The following MICAL2 variants were observed in gnomAD, a reference collection of about 807,000 sequenced individuals.
MICAL2 encodes the protein [F-actin]-monooxygenase MICAL2.
Under a neutral mutation model 127.3 loss-of-function variants are expected in MICAL2, and 77 were observed. The ratio of observed to expected loss-of-function variants is 0.60; its 90% CI spans 0.50 to 0.73. The LOEUF (loss-of-function observed/expected upper bound fraction) is 0.73. Ranked by LOEUF, MICAL2 falls within the 30% of genes least tolerant of loss-of-function variation. The pLI is 0.00. For missense variants in MICAL2, 1,351 were observed against 1,434.4 expected, an observed-to-expected ratio of 0.94 and a Z score of 0.94; for synonymous variants, 570 against 551.1, an observed-to-expected ratio of 1.03 and a Z score of -0.48.
intron 15 of MICAL2, among the ~76,000 whole-genome samples, chr11:12,234,572 A>G (rs994667253): frequency 2.0e-5 from 3 of 152,250 alleles, no homozygotes; most frequent in African/African-American, 7.2e-5. Context: ...GAAAACGTTC[A>G]AGAGAAGGCA....
rs773933327 is a variant in MICAL2 at position 12,204,325 on chromosome 11, G to A, written c.340G>A (p.Val114Met). Residue 114 changes from valine (V) to methionine (M), a missense_variant, in exon 4 of 28, where the codon GTG becomes ATG. This residue lies in a region of MICAL2 where 599 missense variants were observed against 714.9 expected (regional missense o/e 0.84). Coordinates refer to ENST00000683283, the MANE Select transcript of MICAL2 (RefSeq NM_001282663.2). ...TGCCTACCTGGGAGCCAAAGTGGTC[G>A]TGGTGGAGAAGAGGGACTCCTTCTC... The part of the protein sequence containing the change: ...ELAYLGAKVV[V>M]VEKRDSFSRN... The A allele has an allele frequency of 1.5e-5, 24 of 1,614,150 alleles. No homozygotes were observed. The highest frequency in any genetic ancestry group is 1.6e-4 in the Middle Eastern group (1 of 6,062).
At chr11:12,194,403 C>T (rs16910720) in intron 3 of MICAL2, among the ~76,000 whole-genome samples, 2,004 of 152,194 alleles carry the variant, frequency 0.013, 45 homozygotes, top group African/African-American at 0.045. Flanking sequence ...TATTGCAGTG[C>T]GGGGACCCCT....
At position 12,221,731 on chromosome 11, in the gene MICAL2, A is replaced by G. The variant is rs1856838794; in HGVS notation, c.1294A>G (p.Thr432Ala). 6.2e-7 allele frequency: 1 copy of G among 1,613,082 alleles called. No individual in the cohort carries two copies. The highest frequency in any genetic ancestry group is 8.5e-7 in the Non-Finnish European group (1 of 1,179,590). Residue 432 changes from threonine to alanine, a missense_variant, in exon 10 of 28, where the codon ACC (threonine) becomes GCC (alanine). Physicochemically the swap from Thr to Ala is moderately conservative, Grantham distance 58 (BLOSUM62 0). Coordinates refer to ENST00000683283, the MANE Select transcript of MICAL2 (RefSeq NM_001282663.2). The stretch of plus-strand genomic sequence containing the variant: ...GATGGTGAAGAGCTGGAACCAGGGC[A>G]CCCCTCCCCTGGAGCTGCTGGCTGA... ...AWMVKSWNQGTPPLELLAERE... is the reference protein window; with the variant it reads ...AWMVKSWNQGAPPLELLAERE...
chr11:12,245,167 C>T (rs1031397560), intron 21 of MICAL2, among the ~76,000 whole-genome samples: 3 of 152,104 alleles, frequency 2.0e-5, no homozygotes, highest in Non-Finnish European at 4.4e-5. Flanking sequence ...TAGAAATGGG[C>T]GTGAAGCCTA....
intron 2 of MICAL2, among the ~76,000 whole-genome samples, chr11:12,157,928 C>T (rs1232116593): frequency 3.3e-5 from 5 of 152,144 alleles, no homozygotes; most frequent in African/African-American, 1.2e-4. Context: ...ACATGGGAAA[C>T]TAAAACCCAA....
chr11:12,268,709 G>A (rs545436113), downstream of MICAL2, among the ~76,000 whole-genome samples: 5 of 152,316 alleles, frequency 3.3e-5, no homozygotes, highest in Non-Finnish European at 5.9e-5. Flanking sequence ...AGGCCAACTC[G>A]GCCGGGCGCG....
chr11:12,223,611 C>T, intron 12 of MICAL2, 110 bp downstream of exon 12: 2 of 930,046 alleles, frequency 2.2e-6, no homozygotes, highest in Non-Finnish European at 3.4e-6. Context: ...TGGCTCTGCC[C>T]CTTTACCTGT....
At chr11:12,306,245 A>G (rs983252777) in intron 29 of MICAL2, among the ~76,000 whole-genome samples, 17 of 152,060 alleles carry the variant, frequency 1.1e-4, no homozygotes, top group African/African-American at 4.1e-4. Context: ...ACTGATTTCT[A>G]ACAGTATTCA....
At chr11:12,170,274 AC>A (rs1453855489) in intron 3 of MICAL2, among the ~76,000 whole-genome samples, 1 of 151,946 alleles carries the variant, frequency 6.6e-6, no homozygotes, top group Non-Finnish European at 1.5e-5. Context: ...ATATGGCAAT[AC>A]CCCGTCTATA....
At chr11:12,204,107 C>T in intron 3 of MICAL2, 143 bp from the exon 4 acceptor site, 1 of 724,310 alleles carries the variant, frequency 1.4e-6, no homozygotes, top group Non-Finnish European at 2.3e-6. Context: ...GGATGAATGA[C>T]AGGCCCTAAC....
intron 26 of MICAL2, chr11:12,260,238 G>C: frequency 1.4e-6 from 2 of 1,444,460 alleles, no homozygotes; most frequent in Non-Finnish European, 9.1e-7. Flanking sequence ...TGCGTTTGCA[G>C]TTTGCTCAGG....
At chr11:12,210,107 A>C (rs1205602242) in intron 6 of MICAL2, among the ~76,000 whole-genome samples, 1 of 152,174 alleles carries the variant, frequency 6.6e-6, no homozygotes, top group Non-Finnish European at 1.5e-5. Context: ...ACTTTTAAGC[A>C]CTGCTGGGCA....
At chr11:12,184,481 G>GCTGGAAC (rs1857908186) in intron 3 of MICAL2, among the ~76,000 whole-genome samples, 1 of 152,202 alleles carries the variant, frequency 6.6e-6, no homozygotes, top group Non-Finnish European at 1.5e-5. Flanking sequence ...CCCGGGAGAG[G>GCTGGAAC]TAAACTAAGG....
At chr11:12,210,269 C>A (rs1424360929) in intron 6 of MICAL2, among the ~76,000 whole-genome samples, 2 of 152,182 alleles carry the variant, frequency 1.3e-5, no homozygotes, top group African/African-American at 2.4e-5. Flanking sequence ...TCCACCTCAA[C>A]ACCAAGACTG....
chr11:12,316,657 CTTGA>C (rs138564829), intron 29 of MICAL2, among the ~76,000 whole-genome samples: 17,338 of 151,968 alleles, frequency 0.11, 1,161 homozygotes, highest in South Asian at 0.22. Context: ...AAATTTTTCT[CTTGA>C]TTATCAGACT....
intron 2 of MICAL2, among the ~76,000 whole-genome samples, chr11:12,139,299 T>C (rs1193509716): frequency 6.6e-6 from 1 of 152,166 alleles, no homozygotes; most frequent in South Asian, 2.1e-4. Context: ...GTGAAGAACT[T>C]ACAGAAAGCC....
At chr11:12,297,628 T>G (rs1864001812) in intron 29 of MICAL2, among the ~76,000 whole-genome samples, 4 of 152,076 alleles carry the variant, frequency 2.6e-5, no homozygotes, top group Admixed American at 6.5e-5. Context: ...TCACAGTTTC[T>G]TCTAGTCTTC....
At chr11:12,133,227 G>T (rs1015138283) in intron 1 of MICAL2, among the ~76,000 whole-genome samples, 5 of 152,072 alleles carry the variant, frequency 3.3e-5, no homozygotes, top group African/African-American at 1.2e-4. Context: ...GATTACAGGC[G>T]TGCGCCACCA....
At position 12,216,883 on chromosome 11, in the gene MICAL2, G is replaced by A. The variant is rs76273154; in HGVS notation, c.948+564G>A. ...ATAGTTTCTGCCTGAAAGGGTTCTT[G>A]GAAGGAGCAAACAGAAGATATATAT... On this transcript the variant is annotated intron_variant, in intron 8 of 27. Transcript: ENST00000683283. Among the ~76,000 whole-genome samples, 569 of 152,302 alleles carry A rather than the reference G, an allele frequency of 3.7e-3. 4 individuals carry two copies. The highest frequency in any genetic ancestry group is 0.013 in the African/African-American group (554 of 41,560).
Sources: gnomAD v4.1 joint callset for allele counts (sites outside exome capture counted in the v4.1 genomes callset) on GRCh38, gnomAD v4.1.1 for gene constraint, gnomAD v4.1.1 regional missense constraint, MANE v1.5 for transcripts, NCBI Gene and HGNC (gene_info 2026-07-23, HGNC 2026-07-21) for gene names.